The following SHTN1 variants were observed in gnomAD, a reference collection of about 807,000 sequenced individuals.
SHTN1 encodes the protein shootin 1.
In SHTN1, 42 loss-of-function variants were observed where a neutral mutation model predicts 83.1. That is an observed-to-expected ratio of 0.51 (90% CI 0.39 to 0.65). The LOEUF (loss-of-function observed/expected upper bound fraction) is 0.65, where lower values mean the gene tolerates loss of function less well. Ranked by LOEUF, SHTN1 falls within the 30% of genes least tolerant of loss-of-function variation. SHTN1 has a pLI of 0.00. For synonymous variants in SHTN1, 224 were observed against 247.7 expected (o/e 0.90, Z 0.90); for missense variants, 622 against 737.8 (o/e 0.84, Z 1.82).
intron 4 of SHTN1, among the ~76,000 whole-genome samples, chr10:116,956,949 T>C (rs1850004796): frequency 6.6e-6 from 1 of 152,146 alleles, no homozygotes; most frequent in Admixed American, 6.6e-5. Context: ...GGGTTCTTGC[T>C]CTGTCACCCA....
chr10:116,990,287 C>CTTTT lies in SHTN1; in HGVS notation c.59-10983_59-10980dup, dbSNP rs11399364. ...TCTTTTTTCTTTTTCTTTTTTCTTTCTTTTTTTTTTTTTTTTTGGTGTGGT... is the reference window on the plus strand; with the variant it reads ...TCTTTTTTCTTTTTCTTTTTTCTTTCTTTTTTTTTTTTTTTTTTTTTGGTGTGGT... On this transcript the variant is annotated intron_variant, in intron 1 of 16. Transcript: ENST00000355371. 7.0e-3 allele frequency among the ~76,000 whole-genome samples: 837 copies of CTTTT among 119,874 alleles called. 13 individuals are homozygous for CTTTT. Among genetic ancestry groups the CTTTT allele is most frequent in the African/African-American group, 0.025 (785 of 31,268 alleles). 78.6% of individuals were successfully genotyped at this position (119,874 alleles called of 152,430 possible). A position where few individuals can be genotyped will look rare whatever the true frequency, so the allele number is the denominator to read the frequency against.
upstream of SHTN1, among the ~76,000 whole-genome samples, chr10:117,006,196 T>C (rs1356787945): frequency 3.3e-5 from 5 of 152,110 alleles, no homozygotes; most frequent in Non-Finnish European, 7.4e-5. Context: ...TAGAGGAAGA[T>C]TAACAAAACA....
At chr10:116,983,726 G>A (rs995581674) in intron 1 of SHTN1, among the ~76,000 whole-genome samples, 1 of 145,688 alleles carries the variant, frequency 6.9e-6, no homozygotes, top group Admixed American at 6.9e-5. Context: ...ATACATACAT[G>A]CATATACACA....
At chr10:116,941,030 G>C (rs1042653132) in intron 8 of SHTN1, among the ~76,000 whole-genome samples, 1 of 152,130 alleles carries the variant, frequency 6.6e-6, no homozygotes, top group Non-Finnish European at 1.5e-5. Context: ...CTATGTGATA[G>C]ATATGGTGGG....
chr10:117,091,590 C>A (rs1251474204), intron 1 of SHTN1, among the ~76,000 whole-genome samples: 1 of 152,178 alleles, frequency 6.6e-6, no homozygotes, highest in Admixed American at 6.5e-5. Flanking sequence ...GAATGCCAGC[C>A]CATTTCCAAG....
intron 14 of SHTN1, 137 bp downstream of exon 14, chr10:116,911,653 C>G: frequency 6.4e-7 from 1 of 1,566,542 alleles, no homozygotes; most frequent in East Asian, 2.3e-5. Context: ...TAAGCACGAT[C>G]AAATAAACTG....
intron 1 of SHTN1, among the ~76,000 whole-genome samples, chr10:117,059,707 G>T (rs758980417): frequency 6.6e-6 from 1 of 152,124 alleles, no homozygotes; most frequent in Non-Finnish European, 1.5e-5. Context: ...TGGTTGCTAG[G>T]GTTTGGTGGT....
upstream of SHTN1, among the ~76,000 whole-genome samples, chr10:117,008,528 A>G (rs191360582): frequency 1.7e-4 from 26 of 152,320 alleles, no homozygotes; most frequent in East Asian, 3.3e-3. Flanking sequence ...AAAATAAAGT[A>G]CTGATATATG....
At chr10:117,021,244 G>A (rs769056968) in intron 2 of SHTN1, among the ~76,000 whole-genome samples, 2 of 152,000 alleles carry the variant, frequency 1.3e-5, no homozygotes, top group Admixed American at 6.6e-5. Context: ...GTTGTGGTAC[G>A]TGCCTCCCTT....
rs1285120296 is a variant in SHTN1 at position 116,921,519 on chromosome 10, T to C, written c.1113-3A>G. 1.2e-6 allele frequency: 2 copies of C among 1,610,162 alleles called. No homozygotes were observed. The highest frequency in any genetic ancestry group is 1.3e-5 in the African/African-American group (1 of 74,764). ...TCCGGATCATGGACATGAGGGATCT[T>C]TGGGAGAAAGAAAAAGATCAACAGG... On this transcript the variant is annotated splice_region_variant and splice_polypyrimidine_tract_variant and intron_variant, in intron 11 of 16. Coordinates refer to ENST00000355371, the MANE Select transcript of SHTN1 (RefSeq NM_001127211.3).
intron 1 of SHTN1, among the ~76,000 whole-genome samples, chr10:117,117,789 A>G (rs1853869581): frequency 6.6e-6 from 1 of 152,160 alleles, no homozygotes; most frequent in African/African-American, 2.4e-5. Flanking sequence ...CATACACTGA[A>G]GAAAGGACAG....
intron 1 of SHTN1, among the ~76,000 whole-genome samples, chr10:117,120,059 T>C (rs891250581): frequency 6.6e-6 from 1 of 151,992 alleles, no homozygotes; most frequent in African/African-American, 2.4e-5. Context: ...GTGGGGCAGG[T>C]AAGGATGGTT....
chr10:116,936,454 T>C (rs144681185), intron 9 of SHTN1, among the ~76,000 whole-genome samples: 1,574 of 152,338 alleles, frequency 0.01, 9 homozygotes, highest in Non-Finnish European at 0.013. Flanking sequence ...AGCAGGTTGT[T>C]CAGTTTCCAG....
At chr10:117,078,355 A>G (rs1255656813) in intron 1 of SHTN1, among the ~76,000 whole-genome samples, 1 of 152,078 alleles carries the variant, frequency 6.6e-6, no homozygotes. Flanking sequence ...CCTGGCATGT[A>G]ATCTTGTGGC....
At chr10:117,124,649 T>G (rs959345809) in intron 1 of SHTN1, among the ~76,000 whole-genome samples, 7 of 152,120 alleles carry the variant, frequency 4.6e-5, no homozygotes, top group Non-Finnish European at 8.8e-5. Flanking sequence ...GGTGGGCACC[T>G]GTAATCCCAG....
At chr10:117,108,266 A>AT (rs1589935545) in intron 1 of SHTN1, among the ~76,000 whole-genome samples, 1 of 152,174 alleles carries the variant, frequency 6.6e-6, no homozygotes, top group East Asian at 1.9e-4. Context: ...ACATATGTTT[A>AT]TTGTGGCACT....
At chr10:116,911,449 A>G (rs777733229) in intron 14 of SHTN1, 10 of 1,546,528 alleles carry the variant, frequency 6.5e-6, no homozygotes, top group South Asian at 3.6e-5. Flanking sequence ...TTATTCATCT[A>G]TTATATTTCT....
rs561694951 is a variant in SHTN1, at chr10:117,085,135, G to A, written c.-188-36625C>T. Among the ~76,000 whole-genome samples, 41 of 152,196 alleles carry A rather than the reference G, an allele frequency of 2.7e-4. 1 individual carries two copies. Among genetic ancestry groups the A allele is most frequent in the African/African-American group, 8.2e-4 (34 of 41,532 alleles). On this transcript the variant is annotated intron_variant, in intron 1 of 17. Coordinates refer to the SHTN1 transcript ENST00000392901. ...CATTGATTTTCTCTATTGTTTTCCT[G>A]CTTTCAATGTCATTGATTTTGGCTT...
chr10:116,930,456 TA>T (rs933337808), intron 9 of SHTN1, among the ~76,000 whole-genome samples: 26 of 152,292 alleles, frequency 1.7e-4, no homozygotes, highest in African/African-American at 5.3e-4. Flanking sequence ...AATCAATGCT[TA>T]GCTCCCACTT....
Sources: allele counts gnomAD v4.1 joint callset (sites outside exome capture counted in the v4.1 genomes callset), GRCh38; gene constraint gnomAD v4.1.1; transcripts MANE v1.5; gene names NCBI Gene and HGNC (gene_info 2026-07-23, HGNC 2026-07-21).